NDRG4: variants seen among roughly 807,000 people sequenced by gnomAD.
The protein encoded by NDRG4 is NDRG family member 4.
Under a neutral mutation model 55.8 loss-of-function variants are expected in NDRG4, and 38 were observed. The observed-to-expected ratio is 0.68, with a 90% CI of 0.53 to 0.89. The LOEUF (loss-of-function observed/expected upper bound fraction) is 0.89. NDRG4 is among the 40% of genes least tolerant of loss of function. NDRG4 has a pLI of 0.00. For synonymous variants in NDRG4, 190 were observed against 182.7 expected, an observed-to-expected ratio of 1.04 and a Z score of -0.32; for missense variants, 455 against 468.6, an observed-to-expected ratio of 0.97 and a Z score of 0.27.
chr16:58,500,142 C>T, upstream of NDRG4: 1 of 1,535,016 alleles, frequency 6.5e-7, no homozygotes, highest in Non-Finnish European at 8.7e-7. Context: ...TGTGCCCCAT[C>T]ACAGAGCCGA....
At chr16:58,470,389 A>G (rs1283709882) in intron 1 of NDRG4, among the ~76,000 whole-genome samples, 1 of 152,192 alleles carries the variant, frequency 6.6e-6, no homozygotes, top group Non-Finnish European at 1.5e-5. Context: ...AGGAGGAGGA[A>G]CCAGCAAAGT....
At chr16:58,475,681 A>C in intron 1 of NDRG4, 1 of 455,892 alleles carries the variant, frequency 2.2e-6, no homozygotes, top group Non-Finnish European at 4.4e-6. Context: ...TTATTTCTAT[A>C]TCACTACTAT....
At chr16:58,482,997 G>C (rs1567581419) in intron 1 of NDRG4, among the ~76,000 whole-genome samples, 1 of 152,018 alleles carries the variant, frequency 6.6e-6, no homozygotes, top group Non-Finnish European at 1.5e-5. Flanking sequence ...TGTTGGCCAG[G>C]CTGGTCTCGA....
At chr16:58,463,934 C>G (rs577773731) in intron 1 of NDRG4, 25 of 146,356 alleles carry the variant, frequency 1.7e-4, no homozygotes, top group African/African-American at 6.0e-4. Context: ...CCCCGCGAGT[C>G]CCGCACCGAC....
intron 1 of NDRG4, among the ~76,000 whole-genome samples, chr16:58,483,634 C>G (rs2034732505): frequency 6.6e-6 from 1 of 152,192 alleles, no homozygotes; most frequent in Admixed American, 6.5e-5. Flanking sequence ...AGCTATGAAT[C>G]TATCCTCTAA....
At chr16:58,476,421 T>C (rs2033638641) in intron 1 of NDRG4, among the ~76,000 whole-genome samples, 1 of 152,220 alleles carries the variant, frequency 6.6e-6, no homozygotes, top group African/African-American at 2.4e-5. Flanking sequence ...GCTTAACACC[T>C]GGAGCCATGT....
intron 1 of NDRG4, chr16:58,475,467 T>C (rs1337565632): frequency 2.8e-6 from 1 of 362,558 alleles, no homozygotes; most frequent in South Asian, 2.2e-5. Flanking sequence ...CCCCACCCTT[T>C]CCTTTTTCCT....
At chr16:58,505,262 A>T (rs553568252) in intron 5 of NDRG4, among the ~76,000 whole-genome samples, 87 of 151,872 alleles carry the variant, frequency 5.7e-4, no homozygotes, top group East Asian at 2.5e-3. Context: ...GGCAGGAGAA[A>T]GGCGTGAACC....
At chr16:58,496,721 A>G (rs2036454180), upstream of NDRG4, among the ~76,000 whole-genome samples, 1 of 152,160 alleles carries the variant, frequency 6.6e-6, no homozygotes, top group Non-Finnish European at 1.5e-5. Flanking sequence ...GATGGTGCCC[A>G]TGGGCCCCTC....
At chr16:58,509,648 C>G (rs1211913012) in intron 13 of NDRG4, among the ~76,000 whole-genome samples, 1 of 152,152 alleles carries the variant, frequency 6.6e-6, no homozygotes, top group African/African-American at 2.4e-5. Flanking sequence ...TCCTTCCGTG[C>G]TGGGGGTCCA....
At chr16:58,502,850 T>G (rs929334692) in intron 1 of NDRG4, among the ~76,000 whole-genome samples, 2 of 152,186 alleles carry the variant, frequency 1.3e-5, no homozygotes, top group Non-Finnish European at 2.9e-5. Flanking sequence ...CTCTTGAAGT[T>G]TGCCCATCCG....
At position 58,507,819 on chromosome 16, in the gene NDRG4, T is replaced by C; in HGVS notation, c.632T>C (p.Leu211Pro). ...CCCCTGCCCCACAGCCGCAGAGACC[T>C]GGACATTAACCGGCCTGGAACGGTG... ...FWNMYNSRRD[L>P]DINRPGTVPN... Residue 211 changes from leucine (L) to proline (P), a missense_variant, in exon 9 of 15, where the codon CTG becomes CCG. Physicochemically the swap from Leu to Pro is moderately conservative, Grantham distance 98 (BLOSUM62 -3). Transcript: ENST00000570248. 1.9e-6 allele frequency: 3 copies of C among 1,613,858 alleles called. No homozygotes were observed. Among genetic ancestry groups the C allele is most frequent in the Non-Finnish European group, 2.5e-6 (3 of 1,179,972 alleles).
chr16:58,507,634 C>T (rs2038215956), intron 8 of NDRG4, 174 bp from the exon 9 acceptor site: 5 of 612,810 alleles, frequency 8.2e-6, no homozygotes, highest in Non-Finnish European at 8.5e-6. Context: ...ATTTGAGAGC[C>T]CACCTGGTAT....
chr16:58,506,917 G>A lies in NDRG4; in HGVS notation c.522G>A (p.Glu174=), dbSNP rs1362719782. ...TVLSHLFSQE[E]LVNNTELVQS... ...ATCCATCTCCCTGGGCCTAGGAGGAGCTGGTGAACAACACAGAGTTGGTGC... is the reference window on the plus strand; with the variant it reads ...ATCCATCTCCCTGGGCCTAGGAGGAACTGGTGAACAACACAGAGTTGGTGC... The change falls in exon 8 of 15, where the codon GAG becomes GAA. Residue 174 remains glutamate (E), a synonymous_variant. Transcript: ENST00000570248. 1 of 1,613,974 alleles carries A rather than the reference G, an allele frequency of 6.2e-7. No individual in the cohort carries two copies. Among genetic ancestry groups the A allele is most frequent in the Admixed American group, 1.7e-5 (1 of 60,016 alleles).
At chr16:58,481,870 G>A (rs1421807814) in intron 1 of NDRG4, among the ~76,000 whole-genome samples, 1 of 152,152 alleles carries the variant, frequency 6.6e-6, no homozygotes, top group African/African-American at 2.4e-5. Context: ...AGAAATAAGA[G>A]GGTCCAGTTC....
chr16:58,500,964 T>TTGCC (rs1206863374), intron 1 of NDRG4: 19 of 1,234,482 alleles, frequency 1.5e-5, no homozygotes, highest in African/African-American at 4.7e-5. Flanking sequence ...CGAGGAGGGG[T>TTGCC]TGCCTGCCTG....
intron 3 of NDRG4, 40 bp downstream of exon 3, chr16:58,504,314 C>CA (rs1265023792): frequency 1.2e-6 from 2 of 1,613,996 alleles, no homozygotes; most frequent in Non-Finnish European, 1.7e-6. Context: ...TCCAGCTCTG[C>CA]ACCTGAGGCC....
intron 2 of NDRG4, among the ~76,000 whole-genome samples, chr16:58,491,770 C>A (rs1331886101): frequency 6.6e-6 from 1 of 152,098 alleles, no homozygotes; most frequent in African/African-American, 2.4e-5. Context: ...CCATCCTTTT[C>A]ACTTTTTATT....
chr16:58,492,952 A>G (rs2035973956), intron 2 of NDRG4, among the ~76,000 whole-genome samples: 1 of 151,952 alleles, frequency 6.6e-6, no homozygotes, highest in South Asian at 2.1e-4. Flanking sequence ...ACGAATCTGC[A>G]GAAGAAGCCC....
Sources: gnomAD v4.1 joint callset for allele counts (sites outside exome capture counted in the v4.1 genomes callset) on GRCh38, gnomAD v4.1.1 for gene constraint, MANE v1.5 for transcripts, NCBI Gene and HGNC (gene_info 2026-07-23, HGNC 2026-07-21) for gene names.